PTPRT: variants seen among roughly 807,000 people sequenced by gnomAD.
PTPRT encodes the protein protein tyrosine phosphatase receptor type T.
Under a neutral mutation model 176.8 loss-of-function variants are expected in PTPRT, and 56 were observed. The ratio of observed to expected loss-of-function variants is 0.32; its 90% CI spans 0.26 to 0.40. The LOEUF is 0.40. Ranked by LOEUF, PTPRT falls within the 10% of genes least tolerant of loss-of-function variation. PTPRT has a pLI of 1.00. For missense variants in PTPRT, 1,540 were observed against 1,908.2 expected (o/e 0.81, Z 3.60); for synonymous variants, 783 against 739.0 (o/e 1.06, Z -0.96).
At chr20:42,694,361 G>A (rs1483473455) in intron 6 of PTPRT, among the ~76,000 whole-genome samples, 1 of 152,078 alleles carries the variant, frequency 6.6e-6, no homozygotes, top group Non-Finnish European at 1.5e-5. Flanking sequence ...TGTGTGCACG[G>A]ATAGTTCATT....
chr20:42,479,124 A>G (rs142431203), intron 7 of PTPRT, among the ~76,000 whole-genome samples: 3 of 152,348 alleles, frequency 2.0e-5, no homozygotes, highest in Non-Finnish European at 4.4e-5. Flanking sequence ...CAATAGCTGT[A>G]GAATCTTCTA....
intron 23 of PTPRT, among the ~76,000 whole-genome samples, chr20:42,107,989 A>C (rs1986627918): frequency 6.6e-6 from 1 of 152,184 alleles, no homozygotes; most frequent in Non-Finnish European, 1.5e-5. Flanking sequence ...ACTCCCCAAA[A>C]TCCAGATGCG....
At chr20:42,542,436 G>A (rs1377909592) in intron 7 of PTPRT, among the ~76,000 whole-genome samples, 2 of 151,964 alleles carry the variant, frequency 1.3e-5, no homozygotes, top group African/African-American at 4.8e-5. Flanking sequence ...TTGAAAAGAT[G>A]GTCAAATTCC....
At chr20:42,494,041 T>A (rs2071606734) in intron 7 of PTPRT, among the ~76,000 whole-genome samples, 1 of 152,132 alleles carries the variant, frequency 6.6e-6, no homozygotes, top group Admixed American at 6.6e-5. Flanking sequence ...TTATAGTATA[T>A]TTTAAATATG....
At chr20:42,163,987 C>T (rs565874790) in intron 16 of PTPRT, among the ~76,000 whole-genome samples, 1 of 152,326 alleles carries the variant, frequency 6.6e-6, no homozygotes, top group South Asian at 2.1e-4. Flanking sequence ...GAAGGGAGCA[C>T]TTGTGTTTGA....
Position 42,756,529 on chromosome 20 carries a change from C to T in PTPRT, c.792G>A (p.Lys264=), listed in dbSNP as rs1407929877. ...VADTAQRSVS[K]YRCVIRSDGG... ...CATCAGAGCGGATCACACAGCGGTA[C>T]TTGCTGACGCTCCGCTGGGCAGTGT... The change falls in exon 6 of 31, where the codon AAG becomes AAA. Residue 264 remains lysine (K), a synonymous_variant. Coordinates refer to ENST00000373187, the MANE Select transcript of PTPRT (RefSeq NM_007050.6). The T allele has an allele frequency of 6.2e-7, 1 of 1,612,746 alleles. No homozygotes were observed. Among genetic ancestry groups the T allele is most frequent in the African/African-American group, 1.3e-5 (1 of 75,050 alleles).
rs185584597 is a variant in PTPRT at position 42,521,233 on chromosome 20, A to C, written c.1154-48671T>G. On this transcript the variant is annotated intron_variant, in intron 7 of 30. Coordinates refer to ENST00000373187, the MANE Select transcript of PTPRT (RefSeq NM_007050.6). ...GGCCATTTCATATGAGTTCAAGATA[A>C]AATACCCCTTAAGCTCATATAAAAA... 2.3e-3 allele frequency among the ~76,000 whole-genome samples: 344 copies of C among 152,272 alleles called. 3 individuals carry two copies. The highest frequency in any genetic ancestry group is 8.0e-3 in the African/African-American group (334 of 41,582).
chr20:42,434,502 T>C lies in PTPRT; in HGVS notation c.1560+13718A>G, dbSNP rs2059243796. ...GTCACTGGAACCTCATATAGTCTAT[T>C]AGAGATTATTATAAGACTTGGGACA... On this transcript the variant is annotated intron_variant, in intron 9 of 30. Coordinates refer to ENST00000373187, the MANE Select transcript of PTPRT (RefSeq NM_007050.6). Among the ~76,000 whole-genome samples, 4 of 152,140 alleles carry C rather than the reference T, an allele frequency of 2.6e-5. No homozygotes were observed. In the South Asian group the frequency reaches 8.3e-4, roughly 32 times the overall value.
chr20:42,287,747 T>C (rs375413034), intron 12 of PTPRT, among the ~76,000 whole-genome samples: 9 of 152,022 alleles, frequency 5.9e-5, no homozygotes, highest in African/African-American at 2.2e-4. Flanking sequence ...AAAGAAATGG[T>C]AAATATTCAA....
At chr20:42,641,856 G>T (rs1448424200) in intron 7 of PTPRT, among the ~76,000 whole-genome samples, 1 of 152,136 alleles carries the variant, frequency 6.6e-6, no homozygotes, top group Non-Finnish European at 1.5e-5. Context: ...GGAGCCTGAA[G>T]TCCCAGTTTC....
chr20:42,677,346 T>C (rs970956784), intron 7 of PTPRT, among the ~76,000 whole-genome samples: 1 of 151,366 alleles, frequency 6.6e-6, no homozygotes, highest in African/African-American at 2.4e-5. Context: ...CCCAAGGACA[T>C]AGTCTAAATG....
At chr20:42,901,340 C>T (rs74751705) in intron 1 of PTPRT, among the ~76,000 whole-genome samples, 3 of 152,276 alleles carry the variant, frequency 2.0e-5, no homozygotes, top group Non-Finnish European at 4.4e-5. Context: ...AGCACAGTGC[C>T]TGGCACATAG....
chr20:43,023,557 C>T (rs1359073711), intron 1 of PTPRT, among the ~76,000 whole-genome samples: 1 of 152,204 alleles, frequency 6.6e-6, no homozygotes, highest in Admixed American at 6.5e-5. Flanking sequence ...GGAACTGAGA[C>T]AGGTGGGACC....
intron 1 of PTPRT, among the ~76,000 whole-genome samples, chr20:42,890,613 G>A (rs957198621): frequency 3.9e-5 from 6 of 152,106 alleles, no homozygotes; most frequent in African/African-American, 1.4e-4. Context: ...AGGAGGAGGA[G>A]AAATTAAAGC....
intron 26 of PTPRT, among the ~76,000 whole-genome samples, chr20:42,100,684 A>AC (rs766246089): frequency 5.9e-5 from 9 of 152,116 alleles, no homozygotes; most frequent in Non-Finnish European, 1.0e-4. Flanking sequence ...GTATGGGCGC[A>AC]CCCCTAGGCT....
chr20:43,045,349 C>A (rs2146220600), intron 1 of PTPRT, among the ~76,000 whole-genome samples: 1 of 152,180 alleles, frequency 6.6e-6, no homozygotes, highest in Admixed American at 6.5e-5. Context: ...ATAACCCAAT[C>A]TTTATTTGTT....
chr20:42,283,571 T>C (rs1400974684), intron 12 of PTPRT, among the ~76,000 whole-genome samples: 1 of 151,980 alleles, frequency 6.6e-6, no homozygotes, highest in Non-Finnish European at 1.5e-5. Context: ...TGTGGCTGGG[T>C]CTAAGGGGTG....
chr20:43,046,543 C>CA (rs3092687), intron 1 of PTPRT, among the ~76,000 whole-genome samples: 53,829 of 140,356 alleles, frequency 0.38, 11,376 homozygotes, highest in African/African-American at 0.58. Context: ...GTCTCTGTCT[C>CA]AAAAAAAAAA....
intron 1 of PTPRT, among the ~76,000 whole-genome samples, chr20:42,955,649 G>A (rs1324899452): frequency 1.3e-5 from 2 of 152,024 alleles, no homozygotes; most frequent in Non-Finnish European, 2.9e-5. Flanking sequence ...TGAGATTACT[G>A]TCCTCATTTT....
Sources: gnomAD v4.1 joint callset for allele counts (sites outside exome capture counted in the v4.1 genomes callset) on GRCh38, gnomAD v4.1.1 for gene constraint, MANE v1.5 for transcripts, NCBI Gene and HGNC (gene_info 2026-07-23, HGNC 2026-07-21) for gene names.